Variants in SCO1 observed in about 807,000 individuals in gnomAD.
SCO1 encodes the protein cytochrome c oxidase assembly factor SCO1.
Under a neutral mutation model 34.0 loss-of-function variants are expected in SCO1, and 23 were observed. The ratio of observed to expected loss-of-function variants is 0.68; its 90% CI spans 0.49 to 0.96. The LOEUF (loss-of-function observed/expected upper bound fraction) is 0.96. Ranked by LOEUF, SCO1 falls within the 40% of genes least tolerant of loss-of-function variation. The pLI is 0.00. For missense variants in SCO1, 404 were observed against 381.6 expected (o/e 1.06, Z -0.49); for synonymous variants, 161 against 145.5 (o/e 1.11, Z -0.77).
chr17:10,680,909 G>T lies in SCO1; in HGVS notation c.*210C>A, dbSNP rs1238855927. The T allele has an allele frequency of 6.5e-6, 4 of 611,082 alleles. No individual in the cohort carries two copies. The highest frequency in any genetic ancestry group is 1.8e-5 in the African/African-American group (1 of 54,138). 37.9% of individuals were successfully genotyped at this position (611,082 alleles called of 1,614,324 possible). ...CCTCTGGTCTCCCCACAGCTTCCTGGGAGACTTTGGGTTGTAATCTTTACA... is the reference window on the plus strand; with the variant it reads ...CCTCTGGTCTCCCCACAGCTTCCTGTGAGACTTTGGGTTGTAATCTTTACA... On this transcript the variant is annotated 3_prime_UTR_variant, in exon 6 of 6. Coordinates refer to ENST00000255390, the MANE Select transcript of SCO1 (RefSeq NM_004589.4).
At position 10,674,534 on chromosome 17, in the gene SCO1, G is replaced by A. The variant is rs188464081; in HGVS notation, c.*6585C>T. ...AGTACCCCAGTGGTGTGACACTGCC[G>A]GACCACAGACTACACTGAGTAGCAA... On this transcript the variant is annotated 3_prime_UTR_variant, in exon 6 of 6. Transcript: ENST00000255390. The A allele has an allele frequency of 3.5e-5, 7 of 201,962 alleles. No homozygotes were observed. The highest frequency in any genetic ancestry group is 6.8e-5 in the South Asian group (1 of 14,652). 12.5% of individuals were successfully genotyped at this position (201,962 alleles called of 1,614,324 possible). A position where few individuals can be genotyped will look rare whatever the true frequency, so the allele number is the denominator to read the frequency against.
chr17:10,695,681 G>T, intron 2 of SCO1, 60 bp downstream of exon 2: 2 of 1,220,670 alleles, frequency 1.6e-6, no homozygotes, highest in Non-Finnish European at 2.4e-6. Context: ...AACAAAAAAG[G>T]TGCTAGTCCA....
chr17:10,681,154 C>T lies in SCO1; in HGVS notation c.871G>A (p.Ala291Thr). 6.2e-7 allele frequency: 1 copy of T among 1,614,108 alleles called. No individual in the cohort carries two copies. Among genetic ancestry groups the T allele is most frequent in the Non-Finnish European group, 8.5e-7 (1 of 1,180,024 alleles). ...TTTCTGTATGGCCTCATGTGTGTGG[C>T]AATTGAAGCAGCTATTTCTCCCTTC... ...KRKGEIAASIATHMRPYRKKS is the reference protein window; with the variant it reads ...KRKGEIAASITTHMRPYRKKS Residue 291 changes from alanine to threonine, a missense_variant, in exon 6 of 6, where the codon GCC becomes ACC. Coordinates refer to ENST00000255390, the MANE Select transcript of SCO1 (RefSeq NM_004589.4).
At position 10,677,714 on chromosome 17, in the gene SCO1, CT is replaced by C. The variant is rs1441805274; in HGVS notation, c.*3404del. The C allele has an allele frequency of 6.6e-6, 1 of 152,180 alleles. No individual in the cohort carries two copies. Among genetic ancestry groups the C allele is most frequent in the Non-Finnish European group, 1.5e-5 (1 of 68,028 alleles). 9.4% of individuals were successfully genotyped at this position (152,180 alleles called of 1,614,324 possible). On this transcript the variant is annotated 3_prime_UTR_variant, in exon 6 of 6. Transcript: ENST00000255390. The stretch of plus-strand genomic sequence containing the variant: ...CTACTGCATTGATAGGATTCTTATA[CT>C]TTTCAAATAAACAAGTGGCATTTCT...
rs1269560527 is a variant in SCO1 at position 10,695,832 on chromosome 17, C to G, written c.274-1G>C. 6.2e-7 allele frequency: 1 copy of G among 1,610,592 alleles called. No individual in the cohort carries two copies. Among genetic ancestry groups the G allele is most frequent in the Non-Finnish European group, 8.5e-7 (1 of 1,177,468 alleles). On this transcript the variant is annotated splice_acceptor_variant, in intron 1 of 5. Coordinates refer to ENST00000255390, the MANE Select transcript of SCO1 (RefSeq NM_004589.4). LOFTEE classifies it high-confidence loss of function. ...TTGCTAAAGACTTCCAGGAAACAGG[C>G]TACTGGGGCAGGGATTTCAAACATA...
chr17:10,681,339 C>T lies in SCO1; in HGVS notation c.772-86G>A, dbSNP rs888719755. On this transcript the variant is annotated intron_variant, in intron 5 of 5. Coordinates refer to ENST00000255390, the MANE Select transcript of SCO1 (RefSeq NM_004589.4). ...GAATGTATGCTGCAAGATAAGAGAA[C>T]TTTACATTAATGCTTAAATAACCTT... is the stretch of plus-strand genomic sequence containing the variant. The T allele has an allele frequency of 1.9e-5, 26 of 1,388,116 alleles. No homozygotes were observed. In the African/African-American group the frequency reaches 3.1e-4, roughly 17 times the overall value. 86.0% of individuals were successfully genotyped at this position (1,388,116 alleles called of 1,614,324 possible). A position where few individuals can be genotyped will look rare whatever the true frequency, so the allele number is the denominator to read the frequency against.
chr17:10,685,390 C>T (rs1281164360), intron 5 of SCO1, among the ~76,000 whole-genome samples: 1 of 152,086 alleles, frequency 6.6e-6, no homozygotes, highest in Non-Finnish European at 1.5e-5. Flanking sequence ...AGAAAAATGT[C>T]CAAATTGAGA....
intron 1 of SCO1, 137 bp from the exon 2 acceptor site, chr17:10,695,968 A>T (rs1318039303): frequency 4.5e-6 from 3 of 669,762 alleles, no homozygotes; most frequent in Non-Finnish European, 5.3e-6. Context: ...CAGGGATGAG[A>T]AAATGCTCAA....
intron 4 of SCO1, 123 bp from the exon 5 acceptor site, chr17:10,686,965 C>T (rs1023535444): frequency 2.3e-5 from 16 of 708,034 alleles, no homozygotes; most frequent in Non-Finnish European, 3.9e-5. Context: ...AGTCTCCAAA[C>T]ATTTCTTCAC....
intron 5 of SCO1, among the ~76,000 whole-genome samples, chr17:10,682,215 T>C (rs1370998797): frequency 6.6e-6 from 1 of 152,238 alleles, no homozygotes; most frequent in African/African-American, 2.4e-5. Context: ...AAGACAGGAA[T>C]GTGACTACAA....
At chr17:10,684,795 A>G (rs1275813888) in intron 5 of SCO1, among the ~76,000 whole-genome samples, 1 of 152,250 alleles carries the variant, frequency 6.6e-6, no homozygotes, top group Admixed American at 6.5e-5. Flanking sequence ...TAAAGACAGA[A>G]GTCCGGAAAG....
In SCO1 at chr17:10,673,759, C is replaced by A. The variant is rs1182196192; in HGVS notation, c.*7360G>T. ...CCCCGATAAGGCCCCACAGGGTAACCAAGCAGCATCTCTCCCTGCTTTTTG... is the reference window on the plus strand; with the variant it reads ...CCCCGATAAGGCCCCACAGGGTAACAAAGCAGCATCTCTCCCTGCTTTTTG... On this transcript the variant is annotated 3_prime_UTR_variant, in exon 6 of 6. Coordinates refer to ENST00000255390, the MANE Select transcript of SCO1 (RefSeq NM_004589.4). The A allele has an allele frequency of 6.6e-6, 1 of 152,202 alleles. No homozygotes were observed. The highest frequency in any genetic ancestry group is 1.5e-5 in the Non-Finnish European group (1 of 68,044). The allele number at this position is 152,202 out of a possible 1,614,324, so 9.4% of individuals were successfully genotyped here.
rs2151449398 is a variant in SCO1, at chr17:10,677,484, T to G, written c.*3635A>C. ...AAAAGGTTTGGGAGATTATGGATGATTTGAAAATATTAATGTCAATTTCTT... is the reference window on the plus strand; with the variant it reads ...AAAAGGTTTGGGAGATTATGGATGAGTTGAAAATATTAATGTCAATTTCTT... On this transcript the variant is annotated 3_prime_UTR_variant, in exon 6 of 6. Transcript: ENST00000255390. 1 of 152,330 alleles carries G rather than the reference T, an allele frequency of 6.6e-6. No individual in the cohort carries two copies. The highest frequency in any genetic ancestry group is 1.5e-5 in the Non-Finnish European group (1 of 68,036). 9.4% of individuals were successfully genotyped at this position (152,330 alleles called of 1,614,324 possible).
At chr17:10,692,239 T>C (rs2074694791) in intron 3 of SCO1, among the ~76,000 whole-genome samples, 1 of 152,224 alleles carries the variant, frequency 6.6e-6, no homozygotes, top group Non-Finnish European at 1.5e-5. Flanking sequence ...ATAAATGTTC[T>C]TCCCCTGGAT....
At chr17:10,685,616 G>A (rs142550087) in intron 5 of SCO1, among the ~76,000 whole-genome samples, 37 of 152,260 alleles carry the variant, frequency 2.4e-4, no homozygotes, top group Admixed American at 1.5e-3. Flanking sequence ...ACTGTCCAAG[G>A]CATATAGTCA....
intron 5 of SCO1, among the ~76,000 whole-genome samples, chr17:10,685,108 G>C (rs2074647130): frequency 6.6e-6 from 1 of 152,126 alleles, no homozygotes; most frequent in South Asian, 2.1e-4. Context: ...GGTTCAAAGG[G>C]ACAAAGAAAT....
At chr17:10,691,360 ATCCACCCACTTTG>A (rs557453181) in intron 4 of SCO1, among the ~76,000 whole-genome samples, 203 of 152,280 alleles carry the variant, frequency 1.3e-3, no homozygotes, top group African/African-American at 4.7e-3. Context: ...ACCTCAGGTG[ATCCACCCACTTTG>A]GTCTCCCAAA....
chr17:10,689,115 C>CAAAAAAAA (rs556558488), intron 4 of SCO1, among the ~76,000 whole-genome samples: 26 of 67,864 alleles, frequency 3.8e-4, no homozygotes, highest in East Asian at 1.7e-3. Context: ...GACTCCGTCT[C>CAAAAAAAA]AAAAAAAAAA....
At chr17:10,692,203 A>G (rs1432565749) in intron 3 of SCO1, among the ~76,000 whole-genome samples, 1 of 152,214 alleles carries the variant, frequency 6.6e-6, no homozygotes, top group Non-Finnish European at 1.5e-5. Flanking sequence ...AAGGTTACAT[A>G]TCCTATCAAA....
Sources: allele counts gnomAD v4.1 joint callset (sites outside exome capture counted in the v4.1 genomes callset), GRCh38; gene constraint gnomAD v4.1.1; transcripts MANE v1.5; gene names NCBI Gene and HGNC (gene_info 2026-07-23, HGNC 2026-07-21).